TMEM117: variants seen among roughly 807,000 people sequenced by gnomAD.
The protein encoded by TMEM117 is transmembrane protein 117.
Under a neutral mutation model 52.4 loss-of-function variants are expected in TMEM117, and 27 were observed. The ratio of observed to expected loss-of-function variants is 0.51; its 90% CI spans 0.38 to 0.71. The LOEUF (loss-of-function observed/expected upper bound fraction) is 0.71. TMEM117 is among the 30% of genes least tolerant of loss of function. TMEM117 has a pLI of 0.00. For synonymous variants in TMEM117, 215 were observed against 206.3 expected (o/e 1.04, Z -0.36); for missense variants, 556 against 630.5 (o/e 0.88, Z 1.26).
chr12:44,118,968 C>T lies in TMEM117; in HGVS notation c.411-24557C>T, dbSNP rs573638256. Reference sequence around the variant, plus strand: ...AGACTTTCCCCCAATTCCTAAATAACCTAAAGTAATATGAAACTGTATTTT... The same window carrying T: ...AGACTTTCCCCCAATTCCTAAATAATCTAAAGTAATATGAAACTGTATTTT... On this transcript the variant is annotated intron_variant, in intron 3 of 7. Coordinates refer to ENST00000266534, the MANE Select transcript of TMEM117 (RefSeq NM_032256.3). 9.1e-4 allele frequency among the ~76,000 whole-genome samples: 138 copies of T among 152,270 alleles called. 1 individual carries two copies. The highest frequency in any genetic ancestry group is 2.9e-3 in the African/African-American group (120 of 41,554).
intron 3 of TMEM117, among the ~76,000 whole-genome samples, chr12:44,051,094 T>C (rs11182402): frequency 0.18 from 28,116 of 152,174 alleles, 3,971 homozygotes; most frequent in African/African-American, 0.39. Context: ...TTGAAACATT[T>C]CCAAGTGTGT....
chr12:44,012,603 C>A (rs913878556), intron 3 of TMEM117, among the ~76,000 whole-genome samples: 1 of 151,914 alleles, frequency 6.6e-6, no homozygotes, highest in African/African-American at 2.4e-5. Context: ...ATTAATGAGC[C>A]CATCAAAAGC....
At chr12:44,157,812 T>G (rs1472049665) in intron 4 of TMEM117, among the ~76,000 whole-genome samples, 1 of 152,140 alleles carries the variant, frequency 6.6e-6, no homozygotes, top group East Asian at 1.9e-4. Context: ...TAGTCCCATT[T>G]ATTAAAATAA....
intron 2 of TMEM117, among the ~76,000 whole-genome samples, chr12:43,900,478 G>T (rs1944285320): frequency 6.6e-6 from 1 of 152,040 alleles, no homozygotes; most frequent in African/African-American, 2.4e-5. Context: ...CCAGCATTTT[G>T]GGAGGCCGAG....
At chr12:44,221,200 C>A (rs1255716519) in intron 5 of TMEM117, among the ~76,000 whole-genome samples, 1 of 152,002 alleles carries the variant, frequency 6.6e-6, no homozygotes, top group Non-Finnish European at 1.5e-5. Context: ...AAATGCTGTA[C>A]CATTATAAAT....
the TMEM117 span, among the ~76,000 whole-genome samples, chr12:43,813,245 T>G: frequency 8.1e-5 from 11 of 136,418 alleles, no homozygotes; most frequent in African/African-American, 2.2e-4. Flanking sequence ...TTTTTTTTTT[T>G]TTTTTTTTTT....
intron 6 of TMEM117, among the ~76,000 whole-genome samples, chr12:44,320,888 CAG>C (rs748101192): frequency 4.6e-5 from 7 of 152,224 alleles, no homozygotes; most frequent in Non-Finnish European, 8.8e-5. Flanking sequence ...ACGTCAGACA[CAG>C]AGAATATTCA....
intron 3 of TMEM117, among the ~76,000 whole-genome samples, chr12:44,135,867 C>T (rs1179589637): frequency 6.6e-6 from 1 of 152,146 alleles, no homozygotes; most frequent in Admixed American, 6.5e-5. Context: ...TGAACACTTG[C>T]CTCCACTGAC....
At chr12:43,858,759 G>A (rs1004923466) in intron 2 of TMEM117, among the ~76,000 whole-genome samples, 6 of 152,186 alleles carry the variant, frequency 3.9e-5, no homozygotes, top group African/African-American at 9.7e-5. Flanking sequence ...TTGCTCTTCA[G>A]TATCTCAGGG....
intron 3 of TMEM117, among the ~76,000 whole-genome samples, chr12:44,105,372 A>G (rs1947935248): frequency 6.6e-6 from 1 of 152,004 alleles, no homozygotes; most frequent in South Asian, 2.1e-4. Flanking sequence ...CATGTTGTCT[A>G]CTTTCTCTAT....
At chr12:44,364,454 T>C (rs1565759571) in intron 6 of TMEM117, among the ~76,000 whole-genome samples, 1 of 152,138 alleles carries the variant, frequency 6.6e-6, no homozygotes, top group Admixed American at 6.5e-5. Flanking sequence ...ATTGCAGAGA[T>C]ATTATATGAA....
chr12:44,393,790 C>T (rs1952171004), downstream of TMEM117, among the ~76,000 whole-genome samples: 1 of 152,140 alleles, frequency 6.6e-6, no homozygotes, highest in Admixed American at 6.6e-5. Flanking sequence ...CAATTTAAAG[C>T]ATATGATTGA....
chr12:44,165,619 A>C (rs1948955954), intron 4 of TMEM117, among the ~76,000 whole-genome samples: 1 of 152,222 alleles, frequency 6.6e-6, no homozygotes, highest in African/African-American at 2.4e-5. Context: ...ACAGTCAAAA[A>C]AGACATAGAA....
chr12:43,932,598 T>C (rs1944889076), intron 2 of TMEM117, among the ~76,000 whole-genome samples: 1 of 152,204 alleles, frequency 6.6e-6, no homozygotes. Flanking sequence ...TGTGTGACTA[T>C]TGGTGGGTTA....
the TMEM117 span, among the ~76,000 whole-genome samples, chr12:43,816,591 G>A: frequency 1.3e-5 from 2 of 152,352 alleles, no homozygotes; most frequent in South Asian, 4.1e-4. Flanking sequence ...AGATGGTCGA[G>A]TAGCTGGCAG....
chr12:43,938,030 A>G (rs2137598284), intron 2 of TMEM117, among the ~76,000 whole-genome samples: 1 of 152,070 alleles, frequency 6.6e-6, no homozygotes, highest in South Asian at 2.1e-4. Flanking sequence ...AGTGGAGGTA[A>G]AAGAATTCTC....
At chr12:44,262,583 G>A (rs1950332514) in intron 5 of TMEM117, among the ~76,000 whole-genome samples, 1 of 152,160 alleles carries the variant, frequency 6.6e-6, no homozygotes, top group African/African-American at 2.4e-5. Context: ...ATATAATTCT[G>A]TAGCAGTTAA....
At chr12:44,296,225 C>T (rs548888467) in intron 5 of TMEM117, among the ~76,000 whole-genome samples, 13 of 152,258 alleles carry the variant, frequency 8.5e-5, no homozygotes, top group South Asian at 4.2e-4. Context: ...GTATACTATT[C>T]GGTGTCTTTC....
At chr12:43,980,299 C>T (rs1387412604) in intron 3 of TMEM117, among the ~76,000 whole-genome samples, 1 of 152,124 alleles carries the variant, frequency 6.6e-6, no homozygotes, top group Non-Finnish European at 1.5e-5. Flanking sequence ...CTAACTAAAG[C>T]CCATAATGTT....
Sources: allele counts gnomAD v4.1 joint callset (sites outside exome capture counted in the v4.1 genomes callset), GRCh38; gene constraint gnomAD v4.1.1; transcripts MANE v1.5; gene names NCBI Gene and HGNC (gene_info 2026-07-23, HGNC 2026-07-21).